DOP1B: variants seen among roughly 807,000 people sequenced by gnomAD.
DOP1B encodes DOP1 leucine zipper like protein B.
In DOP1B, 174 loss-of-function variants were observed where a neutral mutation model predicts 233.5. The observed-to-expected ratio is 0.75, with a 90% CI of 0.66 to 0.85. The LOEUF is 0.85. DOP1B is among the 40% of genes least tolerant of loss of function. DOP1B has a pLI of 0.00. For missense variants in DOP1B, 2,652 were observed against 2,846.6 expected (o/e 0.93, Z 1.56); for synonymous variants, 1,190 against 1,185.6 (o/e 1.00, Z -0.08).
intron 23 of DOP1B, 86 bp downstream of exon 23, chr21:36,253,995 G>T: frequency 6.7e-7 from 1 of 1,494,708 alleles, no homozygotes; most frequent in Non-Finnish European, 9.0e-7. Context: ...ATCGTGTTTG[G>T]GAGGGAAGGA....
intron 32 of DOP1B, among the ~76,000 whole-genome samples, chr21:36,281,985 G>C (rs2067421958): frequency 6.6e-6 from 1 of 152,166 alleles, no homozygotes; most frequent in Admixed American, 6.6e-5. Flanking sequence ...CCCACACACA[G>C]ATAGACCCAT....
intron 2 of DOP1B, among the ~76,000 whole-genome samples, chr21:36,184,955 G>A (rs531322053): frequency 1.1e-3 from 167 of 152,306 alleles, no homozygotes; most frequent in Non-Finnish European, 1.7e-3. Context: ...TGTTCTGGGT[G>A]TGACTTTTGA....
intron 5 of DOP1B, among the ~76,000 whole-genome samples, chr21:36,210,463 G>A (rs1167880047): frequency 6.6e-6 from 1 of 152,138 alleles, no homozygotes. Context: ...TGGCCAACAT[G>A]GTGAAACCCC....
chr21:36,179,804 G>A (rs1411272017), intron 2 of DOP1B, among the ~76,000 whole-genome samples: 2 of 152,180 alleles, frequency 1.3e-5, no homozygotes, highest in Non-Finnish European at 2.9e-5. Flanking sequence ...CCTTATTGTA[G>A]GACTAGTGTA....
chr21:36,260,126 A>G (rs537943297), intron 23 of DOP1B, among the ~76,000 whole-genome samples: 82 of 148,318 alleles, frequency 5.5e-4, no homozygotes, highest in Non-Finnish European at 8.8e-4. Flanking sequence ...AGTGTACTCC[A>G]GCCTGGGCAA....
At chr21:36,229,923 A>G (rs565003172) in intron 13 of DOP1B, among the ~76,000 whole-genome samples, 12 of 151,990 alleles carry the variant, frequency 7.9e-5, no homozygotes, top group African/African-American at 1.9e-4. Context: ...TCATCCTCCC[A>G]AAGTGCTGGG....
intron 2 of DOP1B, among the ~76,000 whole-genome samples, chr21:36,179,435 A>G (rs2066069590): frequency 6.6e-6 from 1 of 152,200 alleles, no homozygotes; most frequent in African/African-American, 2.4e-5. Flanking sequence ...TGCATTTTGT[A>G]CATGACAGAT....
At chr21:36,253,608 A>C (rs2067055962) in intron 22 of DOP1B, among the ~76,000 whole-genome samples, 164 bp from the exon 23 acceptor site, 1 of 150,352 alleles carries the variant, frequency 6.7e-6, no homozygotes, top group Non-Finnish European at 1.5e-5. Flanking sequence ...ACTGCACTCC[A>C]GCCTGGGTGA....
At chr21:36,264,281 G>A (rs1172256668) in intron 26 of DOP1B, among the ~76,000 whole-genome samples, 1 of 152,082 alleles carries the variant, frequency 6.6e-6, no homozygotes, top group Non-Finnish European at 1.5e-5. Context: ...TTAGCCTAGT[G>A]TGATAGCTAC....
At chr21:36,207,578 T>A (rs180873993) in intron 4 of DOP1B, among the ~76,000 whole-genome samples, 124 of 150,506 alleles carry the variant, frequency 8.2e-4, no homozygotes, top group Middle Eastern at 3.4e-3. Context: ...CCTTCCCCTG[T>A]CTTTTAGCTG....
chr21:36,235,550 C>A (rs1021466312), intron 15 of DOP1B, among the ~76,000 whole-genome samples: 2 of 151,680 alleles, frequency 1.3e-5, no homozygotes, highest in African/African-American at 4.8e-5. Flanking sequence ...ACGGCAAAAT[C>A]CCATGTCTAA....
intron 2 of DOP1B, among the ~76,000 whole-genome samples, chr21:36,183,513 G>A (rs2066126168): frequency 6.6e-6 from 1 of 152,216 alleles, no homozygotes; most frequent in African/African-American, 2.4e-5. Flanking sequence ...GTACTTGTCT[G>A]TTGACAGTAA....
At position 36,212,062 on chromosome 21, in the gene DOP1B, T is replaced by G; in HGVS notation, c.869T>G (p.Met290Arg). Residue 290 changes from methionine (M) to arginine (R), a missense_variant, in exon 7 of 37, where the codon ATG becomes AGG. Met to Arg is a moderately conservative substitution (Grantham distance 91). Coordinates refer to ENST00000691173, the MANE Select transcript of DOP1B (RefSeq NM_001320714.2). ...AATQTLLRRD[M>R]SLNRRLYAWL... is the part of the protein sequence containing the mutation. ...ACCCAGACCCTACTGAGAAGGGACA[T>G]GTCCCTGAACAGAAGACTGTATGCA... is the stretch of plus-strand genomic sequence containing the variant. 1.2e-6 allele frequency: 2 copies of G among 1,613,826 alleles called. No individual in the cohort carries two copies.
intron 15 of DOP1B, among the ~76,000 whole-genome samples, chr21:36,235,792 A>C (rs1355456502): frequency 1.3e-5 from 2 of 151,244 alleles, no homozygotes; most frequent in Non-Finnish European, 2.9e-5. Flanking sequence ...AAAACCTTGC[A>C]AAAAAATTTT....
chr21:36,220,209 TAGTTGTA>T (rs918524545), intron 10 of DOP1B, among the ~76,000 whole-genome samples: 8 of 152,356 alleles, frequency 5.3e-5, no homozygotes, highest in Non-Finnish European at 1.2e-4. Context: ...TCTGGTTTGT[TAGTTGTA>T]AGTGTACTAA....
intron 1 of DOP1B, 92 bp from the exon 2 acceptor site, chr21:36,164,616 T>G: frequency 1.0e-6 from 1 of 1,002,450 alleles, no homozygotes; most frequent in East Asian, 3.0e-5. Flanking sequence ...ACAGTTGTGT[T>G]TGTGGACACG....
At chr21:36,237,234 C>G (rs556990156) in intron 15 of DOP1B, 28 bp from the exon 16 acceptor site, 10 of 1,613,868 alleles carry the variant, frequency 6.2e-6, no homozygotes, top group Admixed American at 3.3e-5. Context: ...GACCTGGTCC[C>G]CCACCGCCTG....
At chr21:36,194,961 T>G (rs1355979499) in intron 2 of DOP1B, among the ~76,000 whole-genome samples, 1 of 152,074 alleles carries the variant, frequency 6.6e-6, no homozygotes, top group African/African-American at 2.4e-5. Context: ...ATCCCAGCAC[T>G]TTGGGAGGCC....
chr21:36,167,972 C>G (rs1407018893), intron 2 of DOP1B, among the ~76,000 whole-genome samples: 1 of 113,682 alleles, frequency 8.8e-6, no homozygotes, highest in Non-Finnish European at 1.7e-5. Context: ...GAGATGGAAT[C>G]TCACTCTGTC....
Sources: gnomAD v4.1 joint callset for allele counts (sites outside exome capture counted in the v4.1 genomes callset) on GRCh38, gnomAD v4.1.1 for gene constraint, MANE v1.5 for transcripts, NCBI Gene and HGNC (gene_info 2026-07-23, HGNC 2026-07-21) for gene names.